Variants in MEIKIN observed in about 807,000 individuals in gnomAD.
MEIKIN encodes the protein meiotic kinetochore factor, also known as meiosis-specific kinetochore protein.
chr5:131,887,010 G>C (rs765230702), intron 8 of MEIKIN, among the ~76,000 whole-genome samples: 77 of 135,466 alleles, frequency 5.7e-4, no homozygotes, highest in Middle Eastern at 4.3e-3. Context: ...AAGCCCCAGT[G>C]TGTGATTTCC....
intron 11 of MEIKIN, among the ~76,000 whole-genome samples, chr5:131,833,586 A>G (rs1389440590): frequency 6.6e-6 from 1 of 152,202 alleles, no homozygotes; most frequent in African/African-American, 2.4e-5. Context: ...CAGGAGGCGA[A>G]AAGCACTTCT....
At chr5:131,840,608 C>CT (rs143636469) in intron 11 of MEIKIN, among the ~76,000 whole-genome samples, 5,537 of 152,250 alleles carry the variant, frequency 0.036, 122 homozygotes, top group East Asian at 0.11. Flanking sequence ...TTCTTAAGCT[C>CT]TGAGATTCTT....
At chr5:131,869,802 TCCTAC>T (rs1750453696) in intron 9 of MEIKIN, among the ~76,000 whole-genome samples, 1 of 152,212 alleles carries the variant, frequency 6.6e-6, no homozygotes, top group East Asian at 1.9e-4. Flanking sequence ...GTTTAGGTTT[TCCTAC>T]CCTGGCAATG....
rs1158220526 is a variant in MEIKIN at position 131,845,272 on chromosome 5, T to TAAAAAAAAAAAAAAAA, written c.975+5976_975+5991dup. On this transcript the variant is annotated intron_variant, in intron 11 of 12. Coordinates refer to ENST00000442687, the MANE Select transcript of MEIKIN (RefSeq NM_001303622.2). ...GTGACAGAGCGAGAAGACTTCGTCT[T>TAAAAAAAAAAAAAAAA]AAAAAAAAAAAAAAAAAAAAAAAAA... 8.2e-4 allele frequency among the ~76,000 whole-genome samples: 37 copies of TAAAAAAAAAAAAAAAA among 45,358 alleles called. 5 individuals carry two copies. The highest frequency in any genetic ancestry group is 4.7e-3 in the African/African-American group (34 of 7,160). 29.8% of individuals were successfully genotyped at this position (45,358 alleles called of 152,430 possible). A position where few individuals can be genotyped will look rare whatever the true frequency, so the allele number is the denominator to read the frequency against.
At chr5:131,869,883 G>A (rs769176925) in intron 9 of MEIKIN, among the ~76,000 whole-genome samples, 2 of 152,294 alleles carry the variant, frequency 1.3e-5, no homozygotes, top group East Asian at 1.9e-4. Flanking sequence ...GTATCCTCCT[G>A]TCTGTCTCTT....
intron 5 of MEIKIN, among the ~76,000 whole-genome samples, chr5:131,926,637 T>C (rs1203728051): frequency 1.3e-5 from 2 of 152,218 alleles, no homozygotes; most frequent in East Asian, 3.8e-4. Context: ...TTTGGTAGAA[T>C]TCACCAGTGA....
At chr5:131,919,486 A>C (rs915181583) in intron 6 of MEIKIN, among the ~76,000 whole-genome samples, 1 of 152,170 alleles carries the variant, frequency 6.6e-6, no homozygotes. Flanking sequence ...TAAATACCCA[A>C]TTTATAGGTA....
intron 4 of MEIKIN, among the ~76,000 whole-genome samples, chr5:131,936,832 T>C (rs1470064653): frequency 1.3e-5 from 2 of 152,026 alleles, no homozygotes; most frequent in African/African-American, 4.8e-5. Context: ...TGGCCTCCCA[T>C]AGTACTGGTA....
intron 4 of MEIKIN, among the ~76,000 whole-genome samples, chr5:131,937,404 T>C (rs1751800070): frequency 6.6e-6 from 1 of 152,156 alleles, no homozygotes; most frequent in African/African-American, 2.4e-5. Context: ...TGGTGTTCCA[T>C]CTTTTGGCAA....
intron 4 of MEIKIN, 53 bp from the exon 5 acceptor site, chr5:131,933,694 G>A: frequency 2.5e-6 from 1 of 395,986 alleles, no homozygotes; most frequent in East Asian, 3.6e-5. Context: ...AAAACAATGT[G>A]AAATCCTAAA....
chr5:131,919,679 A>G (rs1415679200), intron 6 of MEIKIN, among the ~76,000 whole-genome samples: 1 of 152,190 alleles, frequency 6.6e-6, no homozygotes, highest in Non-Finnish European at 1.5e-5. Flanking sequence ...AGAAGAGGAT[A>G]TAAAGAAATA....
chr5:131,879,814 C>A (rs1162841684), intron 8 of MEIKIN, among the ~76,000 whole-genome samples: 1 of 152,176 alleles, frequency 6.6e-6, no homozygotes. Context: ...AGTCTTGAGT[C>A]TTCCCTTTTC....
intron 9 of MEIKIN, among the ~76,000 whole-genome samples, chr5:131,876,745 C>A (rs1230738927): frequency 9.2e-5 from 14 of 151,608 alleles, no homozygotes; most frequent in African/African-American, 3.4e-4. Context: ...TGGAACCAAC[C>A]CAAATGTCCA....
At chr5:131,905,545 T>G (rs1580900570) in intron 8 of MEIKIN, among the ~76,000 whole-genome samples, 1 of 151,964 alleles carries the variant, frequency 6.6e-6, no homozygotes, top group East Asian at 1.9e-4. Context: ...CTAGCTAGAT[T>G]AAGAAAAGAA....
intron 11 of MEIKIN, among the ~76,000 whole-genome samples, chr5:131,838,908 T>C (rs1346180140): frequency 6.6e-6 from 1 of 152,202 alleles, no homozygotes; most frequent in Non-Finnish European, 1.5e-5. Context: ...TGGGGTAGGT[T>C]TCCTCTTGGT....
chr5:131,926,520 C>T lies in MEIKIN; in HGVS notation c.479-4579G>A, dbSNP rs181076379. Among the ~76,000 whole-genome samples, 13 of 152,234 alleles carry T rather than the reference C, an allele frequency of 8.5e-5. No homozygotes were observed. In the East Asian group the frequency reaches 2.5e-3, roughly 29 times the overall value. Reference sequence around the variant, plus strand: ...GTCTTTGCTTGTAGTATTTACCTCGCTTTAGTATGAGGGTAATGCTGGCCT... The same window carrying T: ...GTCTTTGCTTGTAGTATTTACCTCGTTTTAGTATGAGGGTAATGCTGGCCT... On this transcript the variant is annotated intron_variant, in intron 5 of 12. Transcript: ENST00000442687.
intron 11 of MEIKIN, among the ~76,000 whole-genome samples, chr5:131,848,172 A>G (rs1750050066): frequency 6.6e-6 from 1 of 152,146 alleles, no homozygotes; most frequent in Non-Finnish European, 1.5e-5. Flanking sequence ...GGAAATAATA[A>G]AGATTAGAGC....
At chr5:131,942,926 T>G (rs1751897947) in intron 3 of MEIKIN, among the ~76,000 whole-genome samples, 1 of 152,098 alleles carries the variant, frequency 6.6e-6, no homozygotes, top group African/African-American at 2.4e-5. Context: ...ATCAACAATA[T>G]GCTAGTCAAG....
At chr5:131,925,763 G>T (rs1370665846) in intron 5 of MEIKIN, among the ~76,000 whole-genome samples, 1 of 152,072 alleles carries the variant, frequency 6.6e-6, no homozygotes, top group African/African-American at 2.4e-5. Flanking sequence ...CTGCCTCCCA[G>T]GTTAAAGTGA....
Sources: allele counts gnomAD v4.1 joint callset (sites outside exome capture counted in the v4.1 genomes callset), GRCh38; gene constraint gnomAD v4.1.1; transcripts MANE v1.5; gene names NCBI Gene and HGNC (gene_info 2026-07-23, HGNC 2026-07-21).